Variants in EPHB1 observed in about 807,000 individuals in gnomAD.
The protein encoded by EPHB1 is ephrin type-B receptor 1.
Under a neutral mutation model 94.4 loss-of-function variants are expected in EPHB1, and 30 were observed. That is an observed-to-expected ratio of 0.32 (90% confidence interval 0.24 to 0.43). The LOEUF (loss-of-function observed/expected upper bound fraction) is 0.43. Among genes scored for constraint, EPHB1 ranks in the 20% least tolerant of loss-of-function variants. EPHB1 has a pLI of 1.00. For missense variants in EPHB1, 1,055 were observed against 1,308.3 expected, an observed-to-expected ratio of 0.81 and a Z score of 2.99; for synonymous variants, 522 against 489.1, an observed-to-expected ratio of 1.07 and a Z score of -0.89.
At chr3:134,798,245 G>T (rs1408439641) in intron 1 of EPHB1, among the ~76,000 whole-genome samples, 1 of 152,228 alleles carries the variant, frequency 6.6e-6, no homozygotes, top group East Asian at 1.9e-4. Context: ...CCAGGCCAGG[G>T]CAGGGACAAA....
chr3:135,079,071 A>G (rs184215104), intron 3 of EPHB1, among the ~76,000 whole-genome samples: 34 of 148,434 alleles, frequency 2.3e-4, no homozygotes, highest in African/African-American at 8.9e-4. Context: ...AATCATGGAC[A>G]TACGTAAAAA....
intron 3 of EPHB1, among the ~76,000 whole-genome samples, chr3:134,972,116 C>T (rs762102776): frequency 6.6e-6 from 1 of 152,056 alleles, no homozygotes; most frequent in African/African-American, 2.4e-5. Flanking sequence ...CTGAGAATTG[C>T]CTCTCCCCTG....
intron 3 of EPHB1, among the ~76,000 whole-genome samples, chr3:135,083,544 G>A (rs932183371): frequency 5.3e-5 from 8 of 151,728 alleles, no homozygotes; most frequent in African/African-American, 1.9e-4. Flanking sequence ...AAGGCATTAG[G>A]GCAAGGCTCA....
intron 3 of EPHB1, among the ~76,000 whole-genome samples, chr3:134,955,071 CTT>C (rs1197013147): frequency 1.4e-3 from 12 of 8,416 alleles, no homozygotes; most frequent in African/African-American, 4.7e-3. Context: ...GACATCCTTT[CTT>C]TTTTTTTTTT....
chr3:134,998,677 C>G (rs1338691390), intron 3 of EPHB1, among the ~76,000 whole-genome samples: 4 of 152,172 alleles, frequency 2.6e-5, no homozygotes, highest in Non-Finnish European at 5.9e-5. Flanking sequence ...GAGCTAGAAA[C>G]TTCTTAATAT....
chr3:135,195,329 TTTTA>T (rs199716460), intron 11 of EPHB1, among the ~76,000 whole-genome samples: 6 of 151,770 alleles, frequency 4.0e-5, no homozygotes, highest in African/African-American at 9.7e-5. Context: ...CCTGTTTTCT[TTTTA>T]TTTATTTATT....
chr3:134,922,941 G>A (rs1401268747), intron 1 of EPHB1, among the ~76,000 whole-genome samples: 6 of 152,312 alleles, frequency 3.9e-5, no homozygotes, highest in South Asian at 2.1e-4. Flanking sequence ...CCCACCTGGC[G>A]GAGACATTTT....
intron 12 of EPHB1, among the ~76,000 whole-genome samples, chr3:135,229,523 T>C (rs993966575): frequency 6.6e-6 from 1 of 151,902 alleles, no homozygotes; most frequent in Non-Finnish European, 1.5e-5. Flanking sequence ...AAAGAAGGAA[T>C]ATACCTAGTG....
intron 13 of EPHB1, among the ~76,000 whole-genome samples, chr3:135,245,532 A>G: frequency 8.3e-6 from 1 of 120,968 alleles, no homozygotes; most frequent in Non-Finnish European, 1.9e-5. Flanking sequence ...AAAAAAAAAA[A>G]AAAATCGGCC....
chr3:135,068,583 C>G (rs1937616427), intron 3 of EPHB1, among the ~76,000 whole-genome samples: 1 of 150,842 alleles, frequency 6.6e-6, no homozygotes, highest in Non-Finnish European at 1.5e-5. Flanking sequence ...CATATATTTT[C>G]TACCATTTTA....
At chr3:135,030,499 T>C (rs1218930355) in intron 3 of EPHB1, among the ~76,000 whole-genome samples, 1 of 152,236 alleles carries the variant, frequency 6.6e-6, no homozygotes, top group African/African-American at 2.4e-5. Context: ...GGTGTCAGTA[T>C]GCCCCTGCTG....
chr3:134,995,758 G>A (rs60983956), intron 3 of EPHB1, among the ~76,000 whole-genome samples: 5,590 of 148,696 alleles, frequency 0.038, 329 homozygotes, highest in African/African-American at 0.13. Context: ...ACCTAAACAT[G>A]TGCATATCAT....
rs1017114995 is a variant in EPHB1 at position 135,173,268 on chromosome 3, T to A, written c.1759+6262T>A. 2.0e-5 allele frequency among the ~76,000 whole-genome samples: 3 copies of A among 151,968 alleles called. No homozygotes were observed. The South Asian group carries it at 6.2e-4, about 32-fold the overall frequency. On this transcript the variant is annotated intron_variant, in intron 9 of 15. Transcript: ENST00000398015. The stretch of plus-strand genomic sequence containing the variant: ...CCGGGATGGTCTCGATCTCCTGACC[T>A]CGTGATCCGCCCGCCTCGGCCTCCC...
At chr3:134,868,675 A>G (rs900985296) in intron 1 of EPHB1, among the ~76,000 whole-genome samples, 2 of 152,224 alleles carry the variant, frequency 1.3e-5, no homozygotes, top group African/African-American at 2.4e-5. Flanking sequence ...GAGACCTACT[A>G]TGTGTCAGGT....
intron 1 of EPHB1, among the ~76,000 whole-genome samples, chr3:134,891,232 C>T (rs1254950026): frequency 1.3e-5 from 2 of 152,152 alleles, no homozygotes; most frequent in Non-Finnish European, 2.9e-5. Flanking sequence ...ACCTCAGTCT[C>T]CAGAGTAGCT....
intron 7 of EPHB1, among the ~76,000 whole-genome samples, chr3:135,162,689 T>A (rs926734514): frequency 6.6e-6 from 1 of 152,178 alleles, no homozygotes; most frequent in Non-Finnish European, 1.5e-5. Flanking sequence ...CCTGCTCGGA[T>A]GTCTCCAGAG....
chr3:134,950,767 A>G (rs1034633804), intron 2 of EPHB1, among the ~76,000 whole-genome samples: 4 of 152,254 alleles, frequency 2.6e-5, no homozygotes, highest in Non-Finnish European at 5.9e-5. Flanking sequence ...ATCACATTTC[A>G]ACATGAGATT....
intron 2 of EPHB1, among the ~76,000 whole-genome samples, chr3:134,945,252 T>G (rs1181315976): frequency 6.6e-6 from 1 of 152,182 alleles, no homozygotes; most frequent in Non-Finnish European, 1.5e-5. Context: ...TTTTTAAAAT[T>G]GTATAGAGAT....
chr3:134,977,597 T>G (rs1175165053), intron 3 of EPHB1, among the ~76,000 whole-genome samples: 1 of 152,164 alleles, frequency 6.6e-6, no homozygotes, highest in Non-Finnish European at 1.5e-5. Flanking sequence ...AAGGCTCACC[T>G]GGGCCCCCTG....
Sources: allele counts gnomAD v4.1 joint callset (sites outside exome capture counted in the v4.1 genomes callset), GRCh38; gene constraint gnomAD v4.1.1; transcripts MANE v1.5; gene names NCBI Gene and HGNC (gene_info 2026-07-23, HGNC 2026-07-21).